Variants in FNIP1 observed in about 807,000 individuals in gnomAD.
FNIP1 encodes folliculin-interacting protein 1.
FNIP1 carries 40 observed loss-of-function variants against 124.5 expected under a neutral mutation model. The observed-to-expected ratio is 0.32, with a 90% CI of 0.25 to 0.42. The LOEUF (loss-of-function observed/expected upper bound fraction) is 0.42, where lower values mean the gene tolerates loss of function less well. Ranked by LOEUF, FNIP1 falls within the 10% of genes least tolerant of loss-of-function variation. FNIP1 has a pLI of 1.00. For missense variants in FNIP1, 1,176 were observed against 1,403.7 expected, an observed-to-expected ratio of 0.84 and a Z score of 2.59; for synonymous variants, 472 against 470.6, an observed-to-expected ratio of 1.00 and a Z score of -0.04.
At position 131,671,514 on chromosome 5, in the gene FNIP1, G is replaced by C. The variant is rs1205113662; in HGVS notation, c.2930C>G (p.Pro977Arg). ...AAAACTTCCTACTTACCCAGGAAAA[G>C]GTATCTCATCCTCTTCTGCCCAATC... ...QEDWAEEDEI[P>R]FPGSKLIEVS... The change falls in exon 14 of 18, where the codon CCT becomes CGT. Residue 977 changes from proline (P) to arginine (R), a missense_variant. Pro to Arg is a moderately radical substitution (Grantham distance 103). Transcript: ENST00000510461. 6.2e-7 allele frequency: 1 copy of C among 1,606,318 alleles called. No individual in the cohort carries two copies. Among genetic ancestry groups the C allele is most frequent in the Non-Finnish European group, 8.5e-7 (1 of 1,178,308 alleles).
At chr5:131,679,209 G>C in intron 11 of FNIP1, 34 bp from the exon 12 acceptor site, 1 of 1,246,432 alleles carries the variant, frequency 8.0e-7, no homozygotes. Flanking sequence ...GAAATGTATA[G>C]TTCCAAGAGT....
rs1341569883 is a variant in FNIP1, at chr5:131,672,333, T to A, written c.2111A>T (p.Glu704Val). Reference sequence around the variant, plus strand: ...CAGCAACTTCTCACTCTGCCATGTTTCCTCTGTTGACTCTAAGCCTGACTC... The same window carrying A: ...CAGCAACTTCTCACTCTGCCATGTTACCTCTGTTGACTCTAAGCCTGACTC... ...LSESGLESTEETWQSEKLLDS... is the reference protein window; with the variant it reads ...LSESGLESTEVTWQSEKLLDS... Residue 704 changes from glutamate to valine, a missense_variant, in exon 14 of 18, where the codon GAA becomes GTA. Physicochemically the swap from Glu to Val is moderately radical, Grantham distance 121. Coordinates refer to ENST00000510461, the MANE Select transcript of FNIP1 (RefSeq NM_133372.3). 6.2e-7 allele frequency: 1 copy of A among 1,614,210 alleles called. No individual in the cohort carries two copies.
intron 1 of FNIP1, among the ~76,000 whole-genome samples, chr5:131,776,762 G>A (rs764876169): frequency 1.2e-4 from 18 of 152,214 alleles, no homozygotes; most frequent in Non-Finnish European, 2.5e-4. Context: ...CCCAGGCAAA[G>A]ATGAGGGAGA....
chr5:131,722,745 G>A (rs533705798), intron 3 of FNIP1, among the ~76,000 whole-genome samples: 6 of 152,266 alleles, frequency 3.9e-5, no homozygotes, highest in African/African-American at 1.4e-4. Context: ...GAGTGCAATG[G>A]CACAATCTCG....
intron 2 of FNIP1, among the ~76,000 whole-genome samples, chr5:131,736,623 T>C (rs1379046933): frequency 2.0e-5 from 3 of 152,180 alleles, no homozygotes; most frequent in Non-Finnish European, 2.9e-5. Flanking sequence ...TAGATCCTCA[T>C]AGGAGTTCGA....
At position 131,684,077 on chromosome 5, in the gene FNIP1, G is replaced by A. The variant is rs1056537935; in HGVS notation, c.1203-4902C>T. On this transcript the variant is annotated intron_variant, in intron 11 of 17. Coordinates refer to ENST00000510461, the MANE Select transcript of FNIP1 (RefSeq NM_133372.3). ...ATCTTCTTACACTGAATATTAGACAGCATTTCAGCACTACATTTGGAAGCC... is the reference window on the plus strand; with the variant it reads ...ATCTTCTTACACTGAATATTAGACAACATTTCAGCACTACATTTGGAAGCC... Among the ~76,000 whole-genome samples, 4 of 152,278 alleles carry A rather than the reference G, an allele frequency of 2.6e-5. No homozygotes were observed. The East Asian group carries it at 5.8e-4, about 22-fold the overall frequency.
intron 1 of FNIP1, among the ~76,000 whole-genome samples, chr5:131,766,435 C>T (rs1350425267): frequency 3.9e-5 from 6 of 152,164 alleles, no homozygotes; most frequent in Admixed American, 1.3e-4. Flanking sequence ...ATCTACAATT[C>T]AGTTGAATGC....
chr5:131,669,878 T>A (rs1450800457), intron 15 of FNIP1, among the ~76,000 whole-genome samples: 1 of 148,800 alleles, frequency 6.7e-6, no homozygotes, highest in Admixed American at 6.7e-5. Context: ...ACCACTTCCA[T>A]GCAACATTGT....
chr5:131,721,199 C>T (rs1769647928), intron 3 of FNIP1, among the ~76,000 whole-genome samples: 1 of 152,058 alleles, frequency 6.6e-6, no homozygotes, highest in African/African-American at 2.4e-5. Context: ...ATCTTAAGGA[C>T]GTTAGGCTAA....
At chr5:131,736,793 A>G (rs1770321231) in intron 2 of FNIP1, among the ~76,000 whole-genome samples, 1 of 152,216 alleles carries the variant, frequency 6.6e-6, no homozygotes, top group South Asian at 2.1e-4. Context: ...GCTATAATAT[A>G]TCAATGATTT....
At chr5:131,724,044 C>G (rs13189449) in intron 3 of FNIP1, among the ~76,000 whole-genome samples, 1 of 152,138 alleles carries the variant, frequency 6.6e-6, no homozygotes. Flanking sequence ...CGAACTCATC[C>G]TTTTTTATGG....
intron 2 of FNIP1, among the ~76,000 whole-genome samples, chr5:131,743,107 A>T (rs1770564324): frequency 6.6e-6 from 1 of 152,192 alleles, no homozygotes; most frequent in Non-Finnish European, 1.5e-5. Context: ...ATTCTGATGG[A>T]GGAGAAAATA....
intron 15 of FNIP1, among the ~76,000 whole-genome samples, chr5:131,659,573 C>T (rs1396980435): frequency 6.6e-6 from 1 of 152,194 alleles, no homozygotes; most frequent in Non-Finnish European, 1.5e-5. Context: ...AAGGTCCCGG[C>T]CAGCCACGTC....
chr5:131,697,425 C>T (rs1768736619), intron 11 of FNIP1, among the ~76,000 whole-genome samples: 1 of 151,978 alleles, frequency 6.6e-6, no homozygotes, highest in South Asian at 2.1e-4. Context: ...ACGCCTGGCC[C>T]AGATACATAT....
chr5:131,691,490 C>A (rs566672362), intron 11 of FNIP1, among the ~76,000 whole-genome samples: 1 of 152,144 alleles, frequency 6.6e-6, no homozygotes, highest in South Asian at 2.1e-4. Flanking sequence ...AAATCTAGAG[C>A]AGAAATTATT....
chr5:131,676,735 G>A (rs911675434), intron 13 of FNIP1, among the ~76,000 whole-genome samples: 7 of 152,036 alleles, frequency 4.6e-5, no homozygotes, highest in Non-Finnish European at 8.8e-5. Flanking sequence ...ACTTCAGCCT[G>A]GGCAAAAGAG....
At chr5:131,734,274 C>A (rs191168492) in intron 2 of FNIP1, among the ~76,000 whole-genome samples, 15 of 152,174 alleles carry the variant, frequency 9.9e-5, no homozygotes, top group African/African-American at 3.4e-4. Context: ...TTCAAAAAAC[C>A]AGCTCCTGGA....
intron 1 of FNIP1, among the ~76,000 whole-genome samples, chr5:131,777,053 G>A (rs536632036): frequency 3.3e-5 from 5 of 152,016 alleles, no homozygotes; most frequent in Non-Finnish European, 5.9e-5. Flanking sequence ...GCAACATAGC[G>A]AGACTCTGTA....
chr5:131,766,664 T>C (rs1272705193), intron 1 of FNIP1, among the ~76,000 whole-genome samples: 2 of 152,074 alleles, frequency 1.3e-5, no homozygotes, highest in Non-Finnish European at 2.9e-5. Context: ...AGACCCGAGA[T>C]GCAAGCAGCA....
Sources: allele counts gnomAD v4.1 joint callset (sites outside exome capture counted in the v4.1 genomes callset), GRCh38; gene constraint gnomAD v4.1.1; transcripts MANE v1.5; gene names NCBI Gene and HGNC (gene_info 2026-07-23, HGNC 2026-07-21).